Variants in CUX2 observed in about 807,000 individuals in gnomAD.
CUX2 encodes the protein cut like homeobox 2.
A neutral mutation model predicts 144.8 loss-of-function variants in CUX2; 40 were observed. The ratio of observed to expected loss-of-function variants is 0.28; its 90% CI spans 0.21 to 0.36. The LOEUF (loss-of-function observed/expected upper bound fraction) is 0.36, where lower values mean the gene tolerates loss of function less well. Among genes scored for constraint, CUX2 ranks in the 10% least tolerant of loss-of-function variants. CUX2 has a pLI of 1.00. For missense variants in CUX2, 1,615 were observed against 1,994.0 expected (o/e 0.81, Z 3.62); for synonymous variants, 827 against 875.6 (o/e 0.94, Z 0.98).
intron 1 of CUX2, among the ~76,000 whole-genome samples, chr12:111,071,876 C>T (rs1174592632): frequency 6.6e-6 from 1 of 152,154 alleles, no homozygotes; most frequent in African/African-American, 2.4e-5. Flanking sequence ...ACAAATATCT[C>T]TTCTCCATTT....
Position 111,334,656 on chromosome 12 carries a change from G to A in CUX2, c.3142G>A (p.Asp1048Asn), listed in dbSNP as rs764551901. Reference sequence around the variant, plus strand: ...GATCGTGGCCATGTCCCCCGAGCTGGACACGTACTCCATCACCAAGAGGGT... The same window carrying A: ...GATCGTGGCCATGTCCCCCGAGCTGAACACGTACTCCATCACCAAGAGGGT... ...QEIVAMSPEL[D>N]TYSITKRVKE... The change falls in exon 19 of 22, where the codon GAC becomes AAC. Residue 1048 changes from aspartate (D) to asparagine (N), a missense_variant. Asp to Asn is a conservative substitution (Grantham distance 23). Around this residue, in one of 12 missense-constraint regions of CUX2, gnomAD observed 128 missense variants for 124.4 expected, o/e 1.03. Transcript: ENST00000261726. 1 of 1,613,912 alleles carries A rather than the reference G, an allele frequency of 6.2e-7. No individual in the cohort carries two copies. The highest frequency in any genetic ancestry group is 8.5e-7 in the Non-Finnish European group (1 of 1,179,992).
At chr12:111,265,297 T>C (rs1884325914) in intron 4 of CUX2, among the ~76,000 whole-genome samples, 1 of 147,758 alleles carries the variant, frequency 6.8e-6, no homozygotes, top group Non-Finnish European at 1.5e-5. Context: ...TCCCCTATTT[T>C]ATTTTATTTT....
chr12:111,291,406 C>T lies in CUX2; in HGVS notation c.302-12C>T. ...AGGCCCTCACTATCCCTGTCTTTCT[C>T]TCCCTGCACAGACCCCGTGCCTGTG... On this transcript the variant is annotated splice_polypyrimidine_tract_variant and intron_variant, in intron 4 of 21. Coordinates refer to ENST00000261726, the MANE Select transcript of CUX2 (RefSeq NM_015267.4). 1 of 1,602,006 alleles carries T rather than the reference C, an allele frequency of 6.2e-7. No homozygotes were observed. The highest frequency in any genetic ancestry group is 1.1e-5 in the South Asian group (1 of 88,216).
chr12:111,097,268 T>C (rs1399443380), intron 1 of CUX2, among the ~76,000 whole-genome samples: 1 of 152,150 alleles, frequency 6.6e-6, no homozygotes, highest in East Asian at 1.9e-4. Flanking sequence ...AAACCCATGT[T>C]GTTCTGGGCT....
At chr12:111,121,137 G>A (rs1428124185) in intron 1 of CUX2, among the ~76,000 whole-genome samples, 3 of 148,138 alleles carry the variant, frequency 2.0e-5, no homozygotes, top group Non-Finnish European at 3.0e-5. Context: ...CAACTAACTC[G>A]ATATCTTATT....
At chr12:111,079,396 C>G (rs1473511839) in intron 1 of CUX2, among the ~76,000 whole-genome samples, 1 of 152,160 alleles carries the variant, frequency 6.6e-6, no homozygotes, top group Non-Finnish European at 1.5e-5. Context: ...TGAACGAGGA[C>G]TGGTTTTGCT....
intron 3 of CUX2, among the ~76,000 whole-genome samples, chr12:111,249,890 T>G (rs971160261): frequency 2.0e-5 from 3 of 152,176 alleles, no homozygotes; most frequent in Non-Finnish European, 4.4e-5. Context: ...TAGCGTGTGG[T>G]GCATTTGTTA....
chr12:111,217,237 CAT>C (rs991759721), intron 2 of CUX2, among the ~76,000 whole-genome samples: 16 of 152,288 alleles, frequency 1.1e-4, no homozygotes, highest in African/African-American at 3.6e-4. Flanking sequence ...AGCCCACGTC[CAT>C]AGAGTTCCTC....
intron 3 of CUX2, among the ~76,000 whole-genome samples, chr12:111,239,506 T>C (rs1882917855): frequency 1.3e-5 from 2 of 152,128 alleles, no homozygotes; most frequent in Admixed American, 1.3e-4. Flanking sequence ...AAATTAATGA[T>C]ACATCGACAG....
intron 3 of CUX2, among the ~76,000 whole-genome samples, chr12:111,262,118 G>A (rs917369991): frequency 3.3e-5 from 5 of 152,096 alleles, no homozygotes; most frequent in Admixed American, 1.3e-4. Context: ...TCTGCCAAGC[G>A]TTTAGCACTT....
chr12:111,293,439 C>T lies in CUX2; in HGVS notation c.437-7C>T. On this transcript the variant is annotated splice_region_variant and splice_polypyrimidine_tract_variant and intron_variant, in intron 5 of 21. Transcript: ENST00000261726. This position sits in a 1 kb window ranked among gnomAD's most constrained non-coding sequence, Gnocchi z 4.5. ...AATGGGGGTTTTCCCTCTTTTTCTC[C>T]CTGCAGAGCAGAGAGAGGGGACGTC... 2 of 1,601,462 alleles carry T rather than the reference C, an allele frequency of 1.2e-6. No homozygotes were observed. The highest frequency in any genetic ancestry group is 1.1e-5 in the South Asian group (1 of 88,526).
intron 2 of CUX2, among the ~76,000 whole-genome samples, chr12:111,215,122 G>A (rs555386663): frequency 1.4e-4 from 21 of 152,342 alleles, no homozygotes; most frequent in African/African-American, 4.6e-4. Context: ...AGCCAACTGT[G>A]TTTCATTCTG....
At chr12:111,123,520 C>A (rs1401760980) in intron 1 of CUX2, among the ~76,000 whole-genome samples, 1 of 150,462 alleles carries the variant, frequency 6.6e-6, no homozygotes, top group African/African-American at 2.4e-5. Context: ...ATCACATGCA[C>A]TTTCTATACA....
chr12:111,134,594 T>TTCTCTCTCTC (rs370486043), intron 1 of CUX2, among the ~76,000 whole-genome samples: 1 of 144,164 alleles, frequency 6.9e-6, no homozygotes, highest in Non-Finnish European at 1.5e-5. Context: ...TAAGATCTCT[T>TTCTCTCTCTC]TCTCTCTCTC....
rs530024968 is a variant in CUX2 at position 111,255,359 on chromosome 12, G to A, written c.223-8402G>A. Among the ~76,000 whole-genome samples, 80 of 152,312 alleles carry A rather than the reference G, an allele frequency of 5.3e-4. No individual in the cohort carries two copies. Among genetic ancestry groups the A allele is most frequent in the African/African-American group, 1.9e-3 (77 of 41,574 alleles). ...TGACATTAAAATGTAATTTTCATTT[G>A]CTCAGCGGCATCACTGATGGATGGC... On this transcript the variant is annotated intron_variant, in intron 3 of 21. Coordinates refer to ENST00000261726, the MANE Select transcript of CUX2 (RefSeq NM_015267.4). The surrounding 1 kb of genome is among the most constrained non-coding windows in gnomAD (Gnocchi z 4.1).
At chr12:111,306,152 G>A (rs548759503) in intron 10 of CUX2, among the ~76,000 whole-genome samples, 1 of 152,280 alleles carries the variant, frequency 6.6e-6, no homozygotes, top group African/African-American at 2.4e-5. Context: ...GCAAATGCCT[G>A]TGCTAATCAG....
At chr12:111,233,980 G>T (rs541491311) in intron 3 of CUX2, among the ~76,000 whole-genome samples, 41 of 152,100 alleles carry the variant, frequency 2.7e-4, no homozygotes, top group Middle Eastern at 3.4e-3. Context: ...AGGAAAACAT[G>T]ATGGCCCTCC....
chr12:111,302,744 A>G (rs969538461), intron 9 of CUX2, among the ~76,000 whole-genome samples: 2 of 151,884 alleles, frequency 1.3e-5, no homozygotes, highest in East Asian at 1.9e-4. Flanking sequence ...TACTAAAGAT[A>G]CAAAAAGTAG....
At chr12:111,331,153 G>T (rs1245961665) in intron 18 of CUX2, among the ~76,000 whole-genome samples, 1 of 151,938 alleles carries the variant, frequency 6.6e-6, no homozygotes, top group East Asian at 1.9e-4. Flanking sequence ...AAGACAAGGT[G>T]ATAGACATTT....
Sources: gnomAD v4.1 joint callset for allele counts (sites outside exome capture counted in the v4.1 genomes callset) on GRCh38, gnomAD v4.1.1 for gene constraint, gnomAD v4.1.1 regional missense constraint, Gnocchi (gnomAD v3.1) non-coding constraint, MANE v1.5 for transcripts, NCBI Gene and HGNC (gene_info 2026-07-23, HGNC 2026-07-21) for gene names.